NKAIN3: variants seen among roughly 807,000 people sequenced by gnomAD.
NKAIN3 encodes the protein sodium/potassium transporting ATPase interacting 3, also known as sodium/potassium-transporting ATPase subunit beta-1-interacting protein 3.
A neutral mutation model predicts 30.2 loss-of-function variants in NKAIN3; 25 were observed. The ratio of observed to expected loss-of-function variants is 0.83; its 90% CI spans 0.60 to 1.16. NKAIN3 has a LOEUF of 1.16. Ranked by LOEUF, NKAIN3 falls within the 50% of genes most tolerant of loss-of-function variation. The pLI, the probability that NKAIN3 is intolerant of heterozygous loss-of-function variation, is 0.00. For synonymous variants in NKAIN3, 91 were observed against 89.6 expected, an observed-to-expected ratio of 1.02 and a Z score of -0.09; for missense variants, 225 against 254.1, an observed-to-expected ratio of 0.89 and a Z score of 0.78.
intron 1 of NKAIN3, among the ~76,000 whole-genome samples, chr8:62,416,259 T>C (rs1804441957): frequency 6.6e-6 from 1 of 152,204 alleles, no homozygotes; most frequent in Non-Finnish European, 1.5e-5. Context: ...AGTCAATATG[T>C]TTCTTCCTCT....
chr8:62,255,960 G>A (rs1175495151), intron 1 of NKAIN3, among the ~76,000 whole-genome samples: 1 of 151,964 alleles, frequency 6.6e-6, no homozygotes, highest in Non-Finnish European at 1.5e-5. Flanking sequence ...TCGAGGTTTG[G>A]GAACGTTTAC....
At chr8:62,560,696 C>T (rs751694659) in intron 1 of NKAIN3, among the ~76,000 whole-genome samples, 3 of 151,492 alleles carry the variant, frequency 2.0e-5, no homozygotes, top group Non-Finnish European at 4.4e-5. Context: ...CCCACCACCA[C>T]GCCTGGCTAA....
At chr8:62,574,991 A>T (rs1394817995) in intron 1 of NKAIN3, among the ~76,000 whole-genome samples, 1 of 152,116 alleles carries the variant, frequency 6.6e-6, no homozygotes, top group Non-Finnish European at 1.5e-5. Context: ...AAAGCCATAT[A>T]CAATGGACCA....
chr8:62,662,705 T>A (rs1372050011), intron 3 of NKAIN3, among the ~76,000 whole-genome samples: 2 of 152,246 alleles, frequency 1.3e-5, no homozygotes, highest in East Asian at 1.9e-4. Flanking sequence ...TTTCCTTTTT[T>A]AAAAATTACT....
At chr8:62,313,313 G>A (rs954433855) in intron 1 of NKAIN3, among the ~76,000 whole-genome samples, 3 of 152,008 alleles carry the variant, frequency 2.0e-5, no homozygotes, top group Non-Finnish European at 4.4e-5. Flanking sequence ...ATGAAGTGAG[G>A]TTATTGCTCT....
intron 5 of NKAIN3, among the ~76,000 whole-genome samples, chr8:62,919,227 A>ATTTTTTTTTTTTTTTTTTTTTTTTT (rs71255371): frequency 4.2e-5 from 2 of 47,188 alleles, no homozygotes; most frequent in African/African-American, 9.0e-5. Flanking sequence ...TACTTTCAAA[A>ATTTTTTTTTTTTTTTTTTTTTTTTT]TTTTTTTTTT....
chr8:62,617,991 G>A (rs1177691817), intron 3 of NKAIN3, among the ~76,000 whole-genome samples: 1 of 152,198 alleles, frequency 6.6e-6, no homozygotes, highest in African/African-American at 2.4e-5. Flanking sequence ...AAGCATCAAA[G>A]ACTGTAAACC....
At chr8:62,287,757 A>T (rs2351649) in intron 1 of NKAIN3, among the ~76,000 whole-genome samples, 4,130 of 152,132 alleles carry the variant, frequency 0.027, 172 homozygotes, top group African/African-American at 0.092. Context: ...CTACAGAAAA[A>T]GTGCACATTC....
chr8:62,523,034 C>A (rs1347675530), intron 1 of NKAIN3, among the ~76,000 whole-genome samples: 2 of 152,114 alleles, frequency 1.3e-5, no homozygotes, highest in Non-Finnish European at 2.9e-5. Context: ...CACTCACTGA[C>A]TCACCCAGAG....
intron 4 of NKAIN3, among the ~76,000 whole-genome samples, chr8:62,805,836 A>C (rs192094761): frequency 2.0e-5 from 3 of 152,222 alleles, no homozygotes; most frequent in Non-Finnish European, 4.4e-5. Context: ...TCTGCACAGC[A>C]AAAGAAACTA....
chr8:62,309,105 G>A (rs1429208127), intron 1 of NKAIN3, among the ~76,000 whole-genome samples: 1 of 150,416 alleles, frequency 6.6e-6, no homozygotes, highest in African/African-American at 2.5e-5. Context: ...CCATTATGAT[G>A]CCATGCTCAA....
chr8:62,378,740 G>A (rs1420897242), intron 1 of NKAIN3, among the ~76,000 whole-genome samples: 1 of 152,208 alleles, frequency 6.6e-6, no homozygotes, highest in Non-Finnish European at 1.5e-5. Context: ...GAGGAGGTAT[G>A]GAAATGCGTG....
At chr8:62,573,792 A>AT (rs1810021284) in intron 1 of NKAIN3, among the ~76,000 whole-genome samples, 1 of 152,002 alleles carries the variant, frequency 6.6e-6, no homozygotes, top group South Asian at 2.1e-4. Flanking sequence ...GGTACATGTG[A>AT]TTTTATGATA....
chr8:62,475,917 G>A (rs1273859285), intron 1 of NKAIN3, among the ~76,000 whole-genome samples: 2 of 152,162 alleles, frequency 1.3e-5, no homozygotes, highest in African/African-American at 4.8e-5. Context: ...CTCTCTTCTT[G>A]AACTTGGGCA....
chr8:62,531,926 G>A (rs539039716), intron 1 of NKAIN3, among the ~76,000 whole-genome samples: 2 of 152,280 alleles, frequency 1.3e-5, no homozygotes, highest in South Asian at 4.1e-4. Flanking sequence ...TTCCTGCCAA[G>A]TGTCATCGTG....
At chr8:62,755,964 A>AT (rs1391352582) in intron 4 of NKAIN3, among the ~76,000 whole-genome samples, 3 of 152,136 alleles carry the variant, frequency 2.0e-5, no homozygotes, top group African/African-American at 7.2e-5. Flanking sequence ...GGTCAGTCAA[A>AT]TTGTTGGGGC....
At chr8:62,288,546 C>T (rs1164024036) in intron 1 of NKAIN3, among the ~76,000 whole-genome samples, 5 of 152,170 alleles carry the variant, frequency 3.3e-5, no homozygotes, top group Non-Finnish European at 7.3e-5. Context: ...CCAGCTTCAT[C>T]CATGTCCCCA....
At chr8:62,662,235 C>A (rs979047052) in intron 3 of NKAIN3, among the ~76,000 whole-genome samples, 2 of 152,248 alleles carry the variant, frequency 1.3e-5, no homozygotes, top group African/African-American at 4.8e-5. Flanking sequence ...CTTGGGTACT[C>A]ACTGAGGTCT....
At chr8:62,803,553 TC>T (rs1319731769) in intron 4 of NKAIN3, among the ~76,000 whole-genome samples, 4 of 152,054 alleles carry the variant, frequency 2.6e-5, no homozygotes, top group Admixed American at 2.6e-4. Flanking sequence ...ATAAAGATGT[TC>T]TTTGAAACCA....
Sources: gnomAD v4.1 joint callset for allele counts (sites outside exome capture counted in the v4.1 genomes callset) on GRCh38, gnomAD v4.1.1 for gene constraint, MANE v1.5 for transcripts, NCBI Gene and HGNC (gene_info 2026-07-23, HGNC 2026-07-21) for gene names.